The following DNAAF11 variants were observed in gnomAD, a reference collection of about 807,000 sequenced individuals.
The protein encoded by DNAAF11 is dynein axonemal assembly factor 11.
DNAAF11 carries 45 observed loss-of-function variants against 60.8 expected under a neutral mutation model. That is an observed-to-expected ratio of 0.74 (90% confidence interval 0.58 to 0.95). The LOEUF is 0.95. DNAAF11 is among the 40% of genes least tolerant of loss of function. The pLI is 0.00. For missense variants in DNAAF11, 546 were observed against 546.2 expected (o/e 1.00, Z 0.00); for synonymous variants, 191 against 183.5 (o/e 1.04, Z -0.33).
chr8:132,680,050 A>G (rs952973403), upstream of DNAAF11, among the ~76,000 whole-genome samples: 1 of 152,162 alleles, frequency 6.6e-6, no homozygotes, highest in Non-Finnish European at 1.5e-5. Flanking sequence ...TCAACCCAAC[A>G]TCACAGTCAC....
intron 10 of DNAAF11, among the ~76,000 whole-genome samples, chr8:132,601,642 A>T (rs1055805940): frequency 1.3e-5 from 2 of 152,160 alleles, no homozygotes; most frequent in Non-Finnish European, 2.9e-5. Flanking sequence ...TGAAGCTGGA[A>T]ACCATTATTC....
rs1221992942 is a variant in DNAAF11, at chr8:132,632,926, A to C, written c.467T>G (p.Ile156Ser). The change falls in exon 5 of 12, where the codon ATT (isoleucine) becomes AGT (serine). Residue 156 changes from isoleucine to serine, a missense_variant. Coordinates refer to ENST00000620350, the MANE Select transcript of DNAAF11 (RefSeq NM_012472.6). ...TACTGAATAGTCCTGCAATGCCTTAATCCTTTCTGAAGGCTCTATTTCTTT... is the reference window on the plus strand; with the variant it reads ...TACTGAATAGTCCTGCAATGCCTTACTCCTTTCTGAAGGCTCTATTTCTTT... ...DGKEIEPSER[I>S]KALQDYSVIE... The C allele has an allele frequency of 6.2e-7, 1 of 1,613,542 alleles. No individual in the cohort carries two copies. Among genetic ancestry groups the C allele is most frequent in the Non-Finnish European group, 8.5e-7 (1 of 1,179,772 alleles).
intron 11 of DNAAF11, 89 bp downstream of exon 11, chr8:132,583,605 T>G: frequency 1.0e-6 from 1 of 955,106 alleles, no homozygotes. Context: ...TTTAAATAAT[T>G]GTACAATTTT....
intron 1 of DNAAF11, chr8:132,675,195 G>T: frequency 5.0e-6 from 2 of 403,486 alleles, no homozygotes. Context: ...CACGTTCCCC[G>T]ACCCCTTTCC....
intron 10 of DNAAF11, among the ~76,000 whole-genome samples, chr8:132,588,407 T>G (rs1816123604): frequency 6.6e-6 from 1 of 152,218 alleles, no homozygotes; most frequent in South Asian, 2.1e-4. Flanking sequence ...GATATTTCAC[T>G]TTCTCCCACA....
At chr8:132,629,161 C>T (rs1391048563) in intron 5 of DNAAF11, among the ~76,000 whole-genome samples, 1 of 152,010 alleles carries the variant, frequency 6.6e-6, no homozygotes, top group African/African-American at 2.4e-5. Flanking sequence ...TAAAGGAAAG[C>T]ATTTAATAAG....
intron 3 of DNAAF11, among the ~76,000 whole-genome samples, chr8:132,648,694 C>A (rs911259971): frequency 1.3e-5 from 2 of 152,164 alleles, no homozygotes; most frequent in African/African-American, 4.8e-5. Flanking sequence ...GCAAAAATCA[C>A]AAGCATTCTT....
At chr8:132,702,001 G>A in the DNAAF11 span, 3 of 152,228 alleles carry the variant, frequency 2.0e-5, no homozygotes, top group African/African-American at 4.8e-5. Context: ...GAGGGATGAT[G>A]TGTAATTTCT....
the DNAAF11 span, among the ~76,000 whole-genome samples, chr8:132,699,249 G>C: frequency 1.3e-5 from 2 of 152,086 alleles, no homozygotes; most frequent in African/African-American, 4.8e-5. Context: ...CTGTGGGGGA[G>C]GTATTTGCAT....
the DNAAF11 span, among the ~76,000 whole-genome samples, chr8:132,700,409 A>G: frequency 6.6e-6 from 1 of 151,996 alleles, no homozygotes; most frequent in Non-Finnish European, 1.5e-5. Context: ...GCAGCAGTTC[A>G]TGTTAATGAA....
chr8:132,613,982 C>A (rs1319934704), intron 8 of DNAAF11, among the ~76,000 whole-genome samples: 1 of 152,188 alleles, frequency 6.6e-6, no homozygotes, highest in African/African-American at 2.4e-5. Flanking sequence ...TTCATTCATT[C>A]ATTCATTCTT....
At chr8:132,595,348 G>GAAAAAAAAAAAAAAAAAAAAAAAA (rs71306394) in intron 10 of DNAAF11, among the ~76,000 whole-genome samples, 2 of 57,412 alleles carry the variant, frequency 3.5e-5, no homozygotes, top group African/African-American at 1.1e-4. Context: ...AGACAGAGGG[G>GAAAAAAAAAAAAAAAAAAAAAAAA]AAAAAAAAAA....
At chr8:132,608,969 A>C (rs1463564819) in intron 10 of DNAAF11, among the ~76,000 whole-genome samples, 3 of 152,172 alleles carry the variant, frequency 2.0e-5, no homozygotes, top group African/African-American at 7.2e-5. Context: ...TTTTTGGTTA[A>C]TCAAGTTTGT....
chr8:132,675,736 T>A, upstream of DNAAF11: 1 of 414,380 alleles, frequency 2.4e-6, no homozygotes, highest in Non-Finnish European at 4.3e-6. Context: ...CCAGTCTTCG[T>A]CCTCGTCGCA....
At chr8:132,602,609 T>C (rs1336190422) in intron 10 of DNAAF11, among the ~76,000 whole-genome samples, 1 of 152,034 alleles carries the variant, frequency 6.6e-6, no homozygotes, top group Non-Finnish European at 1.5e-5. Flanking sequence ...TGTGGGACCC[T>C]CAAGGTTGCC....
At chr8:132,598,605 A>G (rs1282048855) in intron 10 of DNAAF11, among the ~76,000 whole-genome samples, 1 of 152,224 alleles carries the variant, frequency 6.6e-6, no homozygotes, top group Non-Finnish European at 1.5e-5. Flanking sequence ...GAAGGTATAT[A>G]AAATGTTTTC....
At chr8:132,647,565 A>C (rs1313693131) in intron 3 of DNAAF11, among the ~76,000 whole-genome samples, 1 of 152,236 alleles carries the variant, frequency 6.6e-6, no homozygotes, top group Non-Finnish European at 1.5e-5. Context: ...AAAATCAATG[A>C]ATCCAGGAGC....
intron 3 of DNAAF11, among the ~76,000 whole-genome samples, chr8:132,638,321 G>A (rs573929210): frequency 3.9e-5 from 6 of 152,124 alleles, no homozygotes; most frequent in African/African-American, 9.6e-5. Context: ...TATTTTCACC[G>A]TCTGAGTCCT....
At chr8:132,697,666 C>T in the DNAAF11 span, among the ~76,000 whole-genome samples, 1 of 151,762 alleles carries the variant, frequency 6.6e-6, no homozygotes, top group Non-Finnish European at 1.5e-5. Flanking sequence ...AACTGATGGG[C>T]CAGAGTATGA....
Sources: allele counts gnomAD v4.1 joint callset (sites outside exome capture counted in the v4.1 genomes callset), GRCh38; gene constraint gnomAD v4.1.1; transcripts MANE v1.5; gene names NCBI Gene and HGNC (gene_info 2026-07-23, HGNC 2026-07-21).